PTPRN2: variants seen among roughly 807,000 people sequenced by gnomAD.
PTPRN2 encodes the protein receptor-type tyrosine-protein phosphatase N2.
In PTPRN2, 74 loss-of-function variants were observed where a neutral mutation model predicts 118.8. The ratio of observed to expected loss-of-function variants is 0.62; its 90% CI spans 0.52 to 0.76. The LOEUF (loss-of-function observed/expected upper bound fraction) is 0.76, where lower values mean the gene tolerates loss of function less well. PTPRN2 is among the 30% of genes least tolerant of loss of function. PTPRN2 has a pLI of 0.00. For synonymous variants in PTPRN2, 641 were observed against 608.0 expected (o/e 1.05, Z -0.80); for missense variants, 1,481 against 1,394.4 (o/e 1.06, Z -0.99).
chr7:157,700,349 C>T (rs1191415254), intron 12 of PTPRN2, among the ~76,000 whole-genome samples: 2 of 152,226 alleles, frequency 1.3e-5, no homozygotes, highest in Non-Finnish European at 1.5e-5. Flanking sequence ...CTGAGTGACA[C>T]TGCGGAAAAA....
chr7:157,723,222 C>T (rs1305027537), intron 12 of PTPRN2, among the ~76,000 whole-genome samples: 1 of 152,176 alleles, frequency 6.6e-6, no homozygotes, highest in African/African-American at 2.4e-5. Context: ...CGGACTGTCC[C>T]CTTGCCCTGA....
intron 2 of PTPRN2, among the ~76,000 whole-genome samples, chr7:158,424,869 C>G (rs1239182733): frequency 6.6e-6 from 1 of 150,996 alleles, no homozygotes; most frequent in Non-Finnish European, 1.5e-5. Context: ...TAATCTCCCA[C>G]GCCAGGTGTG....
At position 157,622,396 on chromosome 7, in the gene PTPRN2, C is replaced by T. The variant is rs1342153577; in HGVS notation, c.2197-887G>A. 1.3e-5 allele frequency among the ~76,000 whole-genome samples: 2 copies of T among 152,130 alleles called. No homozygotes were observed. Among genetic ancestry groups the T allele is most frequent in the East Asian group, 1.9e-4 (1 of 5,158 alleles). On this transcript the variant is annotated intron_variant, in intron 14 of 22. Coordinates refer to ENST00000389418, the MANE Select transcript of PTPRN2 (RefSeq NM_002847.5). This position sits in a 1 kb window ranked among gnomAD's most constrained non-coding sequence, Gnocchi z 5.3. ...CGGCCACGCATTCCAATGTCAGGCC[C>T]GGGGTCCAAGCCCTTCTCACCTTCT... is the stretch of plus-strand genomic sequence containing the variant.
rs147127663 is a variant in PTPRN2 at position 158,489,789 on chromosome 7, C to CG, written c.113-5dup. On this transcript the variant is annotated splice_region_variant and splice_polypyrimidine_tract_variant and intron_variant, in intron 1 of 22. Transcript: ENST00000389418. ...AGGCCCTCCTCGAGCAGGCAGCCTG[C>CG]GGGGAAACAGAGAAGAGACGCGGTC... 7 of 1,573,156 alleles carry CG rather than the reference C, an allele frequency of 4.4e-6. No individual in the cohort carries two copies. Among genetic ancestry groups the CG allele is most frequent in the Non-Finnish European group, 5.2e-6 (6 of 1,160,038 alleles).
chr7:158,508,652 T>C (rs970988208), intron 1 of PTPRN2, among the ~76,000 whole-genome samples: 1 of 134,762 alleles, frequency 7.4e-6, no homozygotes, highest in Admixed American at 7.3e-5. Context: ...TCCGCTCCTG[T>C]GGGTGTCGGG....
chr7:158,327,294 T>C (rs947251203), intron 2 of PTPRN2, among the ~76,000 whole-genome samples: 7 of 134,208 alleles, frequency 5.2e-5, no homozygotes, highest in Admixed American at 7.7e-5. Context: ...CTCACACATG[T>C]ACACATTCTC....
intron 11 of PTPRN2, among the ~76,000 whole-genome samples, chr7:157,963,918 G>T (rs961295611): frequency 1.3e-5 from 2 of 152,114 alleles, no homozygotes; most frequent in African/African-American, 4.8e-5. Flanking sequence ...TGCTCAGGCT[G>T]GTCTCAAACT....
At chr7:157,586,246 C>A (rs992997332) in intron 17 of PTPRN2, among the ~76,000 whole-genome samples, 1 of 152,166 alleles carries the variant, frequency 6.6e-6, no homozygotes, top group Admixed American at 6.5e-5. Flanking sequence ...TCCCTTTAAT[C>A]AAGTAACGTG....
At chr7:158,502,602 G>C (rs1224307782) in intron 1 of PTPRN2, among the ~76,000 whole-genome samples, 1 of 152,246 alleles carries the variant, frequency 6.6e-6, no homozygotes, top group Non-Finnish European at 1.5e-5. Context: ...GCTGTGTCAA[G>C]TGGTCTCACA....
At position 158,136,654 on chromosome 7, in the gene PTPRN2, C is replaced by T; in HGVS notation, c.1173+1G>A. ...AACAAACACCAGAGACGTCATCTTACCTCTTGGTAAAGTCTATCATCGTCG... is the reference window on the plus strand; with the variant it reads ...AACAAACACCAGAGACGTCATCTTATCTCTTGGTAAAGTCTATCATCGTCG... On this transcript the variant is annotated splice_donor_variant, in intron 8 of 22. Coordinates refer to ENST00000389418, the MANE Select transcript of PTPRN2 (RefSeq NM_002847.5). LOFTEE classifies it high-confidence loss of function. 1.2e-6 allele frequency: 2 copies of T among 1,613,130 alleles called. No homozygotes were observed. Among genetic ancestry groups the T allele is most frequent in the East Asian group, 2.2e-5 (1 of 44,884 alleles).
intron 12 of PTPRN2, among the ~76,000 whole-genome samples, chr7:157,695,449 AG>A (rs1284409918): frequency 6.6e-6 from 1 of 152,134 alleles, no homozygotes; most frequent in Non-Finnish European, 1.5e-5. Flanking sequence ...ATTTTTAAAA[AG>A]TATTTACTAT....
intron 6 of PTPRN2, among the ~76,000 whole-genome samples, chr7:158,149,700 A>T (rs12533965): frequency 6.6e-6 from 1 of 151,838 alleles, no homozygotes; most frequent in African/African-American, 2.4e-5. Flanking sequence ...GCTACTCAGG[A>T]GGCTAAGGCA....
chr7:158,512,909 G>A (rs757709820), intron 1 of PTPRN2, among the ~76,000 whole-genome samples: 1 of 152,298 alleles, frequency 6.6e-6, no homozygotes, highest in East Asian at 1.9e-4. Context: ...TTATGTTATA[G>A]CCCAAAATAT....
intron 10 of PTPRN2, among the ~76,000 whole-genome samples, chr7:158,085,721 G>A (rs373517339): frequency 5.9e-5 from 7 of 117,898 alleles, no homozygotes; most frequent in South Asian, 2.7e-4. Context: ...CACCCACGAC[G>A]CCCATCCACA....
At position 158,259,533 on chromosome 7, in the gene PTPRN2, T is replaced by A. The variant is rs373693065; in HGVS notation, c.278-54260A>T. Among the ~76,000 whole-genome samples, 15 of 152,140 alleles carry A rather than the reference T, an allele frequency of 9.9e-5. No individual in the cohort carries two copies. The East Asian group carries it at 1.2e-3, about 12-fold the overall frequency. ...AACGGCTGGCATGTTCCTTGGGAAA[T>A]TAGAGGAGGGCGTGTCTGCCAAAGG... On this transcript the variant is annotated intron_variant, in intron 3 of 22. Transcript: ENST00000389418.
intron 4 of PTPRN2, among the ~76,000 whole-genome samples, chr7:158,199,336 T>C (rs1348544114): frequency 1.3e-5 from 2 of 152,220 alleles, no homozygotes; most frequent in African/African-American, 4.8e-5. Flanking sequence ...TCATACCTAC[T>C]GCTTTGCTGA....
chr7:157,720,577 A>T (rs1799176066), intron 12 of PTPRN2, among the ~76,000 whole-genome samples: 1 of 152,248 alleles, frequency 6.6e-6, no homozygotes, highest in Non-Finnish European at 1.5e-5. Context: ...GCACCGATGC[A>T]TGGGTGTGCA....
chr7:157,984,592 T>C (rs1803624751), intron 11 of PTPRN2, among the ~76,000 whole-genome samples: 1 of 152,028 alleles, frequency 6.6e-6, no homozygotes, highest in Non-Finnish European at 1.5e-5. Flanking sequence ...TGCTGGGTGC[T>C]GGGGGCTGGC....
intron 12 of PTPRN2, among the ~76,000 whole-genome samples, chr7:157,792,382 C>G (rs1486907513): frequency 6.6e-6 from 1 of 152,252 alleles, no homozygotes; most frequent in Non-Finnish European, 1.5e-5. Flanking sequence ...CTCCTGGGTC[C>G]CCTCTTTGCT....
Sources: gnomAD v4.1 joint callset for allele counts (sites outside exome capture counted in the v4.1 genomes callset) on GRCh38, gnomAD v4.1.1 for gene constraint, Gnocchi (gnomAD v3.1) non-coding constraint, MANE v1.5 for transcripts, NCBI Gene and HGNC (gene_info 2026-07-23, HGNC 2026-07-21) for gene names.